Variants in CEP128 observed in about 807,000 individuals in gnomAD.
CEP128 encodes the protein centrosomal protein 128kDa.
A neutral mutation model predicts 156.7 loss-of-function variants in CEP128; 132 were observed. The observed-to-expected ratio is 0.84, with a 90% CI of 0.73 to 0.97. The LOEUF is 0.97. Among genes scored for constraint, CEP128 ranks in the 50% least tolerant of loss-of-function variants. The probability of loss-of-function intolerance (pLI) is 0.00; values close to 1 mark genes in which losing one functional copy is unlikely to be tolerated. For synonymous variants in CEP128, 469 were observed against 448.9 expected, an observed-to-expected ratio of 1.04 and a Z score of -0.57; for missense variants, 1,252 against 1,281.9, an observed-to-expected ratio of 0.98 and a Z score of 0.36.
intron 20 of CEP128, among the ~76,000 whole-genome samples, chr14:80,560,809 C>T (rs1890639019): frequency 6.6e-6 from 1 of 152,204 alleles, no homozygotes; most frequent in Non-Finnish European, 1.5e-5. Flanking sequence ...GGGGCTTGGA[C>T]TGGCTCTCCT....
chr14:80,777,211 GTGGGAGGTGATT>G (rs373108242), intron 16 of CEP128, among the ~76,000 whole-genome samples: 4 of 152,142 alleles, frequency 2.6e-5, no homozygotes, highest in Non-Finnish European at 5.9e-5. Flanking sequence ...ATAATTGAGG[GTGGGAGGTGATT>G]TGGGAGGTGA....
At chr14:80,735,441 A>G (rs1363451886) in intron 19 of CEP128, among the ~76,000 whole-genome samples, 1 of 152,218 alleles carries the variant, frequency 6.6e-6, no homozygotes, top group Non-Finnish European at 1.5e-5. Flanking sequence ...AGGTTAATAC[A>G]GTAAAAGTAA....
intron 2 of CEP128, chr14:80,955,775 A>G: frequency 6.2e-7 from 1 of 1,614,232 alleles, no homozygotes; most frequent in Non-Finnish European, 8.5e-7. Flanking sequence ...TGCGAGTGCC[A>G]TCAGGAGGAG....
intron 19 of CEP128, among the ~76,000 whole-genome samples, chr14:80,632,596 T>TA (rs2140735103): frequency 6.6e-6 from 1 of 150,542 alleles, no homozygotes; most frequent in African/African-American, 2.4e-5. Context: ...ACATGCTATA[T>TA]ATATTATAGT....
At chr14:80,843,404 C>T (rs1368569915) in intron 9 of CEP128, among the ~76,000 whole-genome samples, 1 of 151,998 alleles carries the variant, frequency 6.6e-6, no homozygotes, top group Non-Finnish European at 1.5e-5. Flanking sequence ...GTCACAAGGG[C>T]AAGAACATGT....
intron 15 of CEP128, among the ~76,000 whole-genome samples, chr14:80,784,199 C>G (rs1038756465): frequency 6.6e-6 from 1 of 151,480 alleles, no homozygotes; most frequent in African/African-American, 2.4e-5. Flanking sequence ...GACTAAAATC[C>G]CTATCCTCAG....
chr14:80,883,499 A>G (rs1333414629), intron 8 of CEP128, among the ~76,000 whole-genome samples: 1 of 152,156 alleles, frequency 6.6e-6, no homozygotes, highest in East Asian at 1.9e-4. Context: ...TACAATAGCT[A>G]AAGATAAAAA....
At chr14:80,603,278 T>A (rs556551749) in intron 19 of CEP128, among the ~76,000 whole-genome samples, 23 of 152,328 alleles carry the variant, frequency 1.5e-4, no homozygotes, top group African/African-American at 5.5e-4. Context: ...CATTTTATTA[T>A]ATGAAATGGT....
At chr14:80,754,772 A>C (rs1353764354) in intron 18 of CEP128, among the ~76,000 whole-genome samples, 1 of 151,998 alleles carries the variant, frequency 6.6e-6, no homozygotes, top group East Asian at 1.9e-4. Context: ...CGTCTTGTTC[A>C]TTTTTTATGC....
intron 19 of CEP128, among the ~76,000 whole-genome samples, chr14:80,695,187 C>T (rs772338682): frequency 5.4e-5 from 8 of 147,590 alleles, no homozygotes; most frequent in East Asian, 2.0e-4. Context: ...AAATGTGGAA[C>T]GAAAGAAATA....
chr14:80,598,451 T>C (rs1892435893), intron 19 of CEP128, among the ~76,000 whole-genome samples: 1 of 152,116 alleles, frequency 6.6e-6, no homozygotes, highest in African/African-American at 2.4e-5. Flanking sequence ...AACAAAACAC[T>C]GTCATGAAAG....
chr14:80,858,199 T>C lies in CEP128; in HGVS notation c.762+4558A>G, dbSNP rs1018979826. ...CATGGTACTGGTACCAAAACAGAGATATAGATCAATGGAACAGAACAGAGC... is the reference window on the plus strand; with the variant it reads ...CATGGTACTGGTACCAAAACAGAGACATAGATCAATGGAACAGAACAGAGC... On this transcript the variant is annotated intron_variant, in intron 9 of 24. Transcript: ENST00000555265. 1.3e-4 allele frequency among the ~76,000 whole-genome samples: 19 copies of C among 146,918 alleles called. 1 individual carries two copies. The highest frequency in any genetic ancestry group is 4.6e-4 in the African/African-American group (18 of 39,410).
chr14:80,693,640 G>T (rs1234181562), intron 19 of CEP128, among the ~76,000 whole-genome samples: 1 of 152,048 alleles, frequency 6.6e-6, no homozygotes, highest in Non-Finnish European at 1.5e-5. Context: ...GAACAAAGAA[G>T]TTTCCAATAC....
At chr14:80,834,979 C>T (rs528380913) in intron 12 of CEP128, among the ~76,000 whole-genome samples, 20 of 152,202 alleles carry the variant, frequency 1.3e-4, no homozygotes, top group Non-Finnish European at 1.8e-4. Context: ...GTTTGGGTCA[C>T]GTAGACAGGT....
At chr14:80,774,345 G>C (rs1306376217) in intron 16 of CEP128, among the ~76,000 whole-genome samples, 1 of 152,160 alleles carries the variant, frequency 6.6e-6, no homozygotes, top group Non-Finnish European at 1.5e-5. Flanking sequence ...TGATGTTGAG[G>C]ATGGGCATGC....
chr14:80,497,694 T>C (rs1352270601), intron 24 of CEP128, 112 bp from the exon 25 acceptor site: 2 of 688,328 alleles, frequency 2.9e-6, no homozygotes, highest in Middle Eastern at 2.7e-4. Context: ...TCGAGTTTTC[T>C]ATAATTAAAC....
intron 13 of CEP128, among the ~76,000 whole-genome samples, chr14:80,821,598 C>A (rs1595455447): frequency 1.9e-5 from 1 of 53,544 alleles, no homozygotes; most frequent in Non-Finnish European, 3.7e-5. Context: ...CACATACACA[C>A]ATACACACAC....
At chr14:80,952,673 A>T (rs1886491542) in intron 2 of CEP128, among the ~76,000 whole-genome samples, 1 of 152,088 alleles carries the variant, frequency 6.6e-6, no homozygotes, top group African/African-American at 2.4e-5. Context: ...TATATCAATG[A>T]AATAGAGCAC....
At chr14:80,494,768 T>G (rs1488157695), downstream of CEP128, among the ~76,000 whole-genome samples, 1 of 152,210 alleles carries the variant, frequency 6.6e-6, no homozygotes, top group Non-Finnish European at 1.5e-5. Context: ...AAATGCTGTA[T>G]GCATACTGTT....
Sources: gnomAD v4.1 joint callset for allele counts (sites outside exome capture counted in the v4.1 genomes callset) on GRCh38, gnomAD v4.1.1 for gene constraint, MANE v1.5 for transcripts, NCBI Gene and HGNC (gene_info 2026-07-23, HGNC 2026-07-21) for gene names.